The following ATP6V1B1 variants were observed in gnomAD, a reference collection of about 807,000 sequenced individuals.
ATP6V1B1 encodes V-type proton ATPase subunit B, kidney isoform.
Under a neutral mutation model 62.1 loss-of-function variants are expected in ATP6V1B1, and 41 were observed. That is an observed-to-expected ratio of 0.66 (90% CI 0.51 to 0.86). ATP6V1B1 has a LOEUF of 0.86. Among genes scored for constraint, ATP6V1B1 ranks in the 40% least tolerant of loss-of-function variants. The pLI, the probability that ATP6V1B1 is intolerant of heterozygous loss-of-function variation, is 0.00. For synonymous variants in ATP6V1B1, 253 were observed against 273.4 expected (o/e 0.93, Z 0.74); for missense variants, 651 against 697.5 (o/e 0.93, Z 0.75).
chr2:70,946,268 G>A (rs1290042105), intron 2 of ATP6V1B1, among the ~76,000 whole-genome samples: 2 of 152,164 alleles, frequency 1.3e-5, no homozygotes, highest in East Asian at 3.9e-4. Context: ...GAGTTCATAC[G>A]GACATTACCA....
At chr2:70,936,448 G>A (rs1553415410) in intron 1 of ATP6V1B1, among the ~76,000 whole-genome samples, 1 of 152,100 alleles carries the variant, frequency 6.6e-6, no homozygotes, top group East Asian at 1.9e-4. Flanking sequence ...CAAGCACTCA[G>A]AGTCAGGCGG....
At chr2:70,943,782 G>T in intron 2 of ATP6V1B1, 69 bp downstream of exon 2, 2 of 1,587,802 alleles carry the variant, frequency 1.3e-6, no homozygotes, top group Non-Finnish European at 1.7e-6. Context: ...TGCCCTGCAG[G>T]ATTTCTTCTA....
At chr2:70,964,045 T>A in intron 11 of ATP6V1B1, 1 of 411,720 alleles carries the variant, frequency 2.4e-6, no homozygotes, top group Non-Finnish European at 4.5e-6. Flanking sequence ...AACGGCTAAC[T>A]AACACACATC....
chr2:70,943,317 T>C (rs1339763030), intron 1 of ATP6V1B1: 5 of 499,990 alleles, frequency 1.0e-5, no homozygotes, highest in African/African-American at 2.0e-5. Flanking sequence ...ATGCTTGGAG[T>C]GAGAGAGGAG....
At position 70,963,411 on chromosome 2, in the gene ATP6V1B1, C is replaced by A; in HGVS notation, c.1060+99C>A. On this transcript the variant is annotated intron_variant, in intron 10 of 13. Transcript: ENST00000234396. This position sits in a 1 kb window ranked among gnomAD's most constrained non-coding sequence, Gnocchi z 4.3. ...CACGTTGCTTTGCACAGATGTGCAG[C>A]AGCGCTTTTCCTCCATCGAGATAGA... 6.3e-7 allele frequency: 1 copy of A among 1,579,878 alleles called. No individual in the cohort carries two copies. Among genetic ancestry groups the A allele is most frequent in the Non-Finnish European group, 8.7e-7 (1 of 1,151,038 alleles).
At position 70,944,060 on chromosome 2, in the gene ATP6V1B1, G is replaced by A. The variant is rs904801512; in HGVS notation, c.174+347G>A. 16 of 1,307,800 alleles carry A rather than the reference G, an allele frequency of 1.2e-5. No individual in the cohort carries two copies. In the South Asian group the frequency reaches 1.6e-4, roughly 13 times the overall value. The allele number at this position is 1,307,800 out of a possible 1,614,324, so 81.0% of individuals were successfully genotyped here. On this transcript the variant is annotated intron_variant, in intron 2 of 13. Transcript: ENST00000234396. ...TCAGAGGAAGGCTGGACCACAGCAC[G>A]GCTGTACCTAACCTCCTCGAGGGCT...
intron 1 of ATP6V1B1, among the ~76,000 whole-genome samples, chr2:70,937,189 C>G (rs1679874711): frequency 1.3e-5 from 2 of 151,926 alleles, no homozygotes; most frequent in Middle Eastern, 3.4e-3. Context: ...AGGCTCCTAA[C>G]AGGGAGTGTG....
chr2:70,964,706 G>A, intron 12 of ATP6V1B1, 30 bp from the exon 13 acceptor site: 1 of 1,613,006 alleles, frequency 6.2e-7, no homozygotes, highest in Non-Finnish European at 8.5e-7. Flanking sequence ...TAAGCCCGCA[G>A]CGGCCACCGA....
In ATP6V1B1 at chr2:70,957,836, G is replaced by GT. The variant is rs146878844; in HGVS notation, c.175-209dup. ...GCTACTAAGCTTCAGAGTTTCAGCT[G>GT]TAACCTGGTCTTGCAACTCTGAAGT... On this transcript the variant is annotated intron_variant, in intron 2 of 13. Coordinates refer to ENST00000234396, the MANE Select transcript of ATP6V1B1 (RefSeq NM_001692.4). 9.6e-3 allele frequency: 5,756 copies of GT among 597,106 alleles called. 271 individuals carry two copies. Among genetic ancestry groups the GT allele is most frequent in the African/African-American group, 0.094 (5,129 of 54,538 alleles). 37.0% of individuals were successfully genotyped at this position (597,106 alleles called of 1,614,324 possible).
intron 2 of ATP6V1B1, among the ~76,000 whole-genome samples, chr2:70,951,377 C>A (rs188298981): frequency 6.6e-6 from 1 of 152,292 alleles, no homozygotes; most frequent in Non-Finnish European, 1.5e-5. Flanking sequence ...CTTTAATCTA[C>A]CATCCACATT....
chr2:70,964,114 A>ATTGTTTTTTTTTTTTTT (rs1680655720), intron 11 of ATP6V1B1: 1 of 121,306 alleles, frequency 8.2e-6, no homozygotes, highest in African/African-American at 5.9e-5. Context: ...CTTGGCAGGT[A>ATTGTTTTTTTTTTTTTT]TTTTTTTTTT....
At chr2:70,958,191 C>A (rs781903079) in intron 3 of ATP6V1B1, 47 bp downstream of exon 3, 6 of 1,600,484 alleles carry the variant, frequency 3.7e-6, no homozygotes, top group Admixed American at 1.7e-5. Flanking sequence ...AATGAATTAA[C>A]CCATAAAGTT....
chr2:70,949,898 G>T (rs1172088572), intron 2 of ATP6V1B1, among the ~76,000 whole-genome samples: 1 of 152,068 alleles, frequency 6.6e-6, no homozygotes, highest in Non-Finnish European at 1.5e-5. Flanking sequence ...TGAATTTCTT[G>T]TCTTGCTTAA....
chr2:70,942,074 G>A (rs1264562667), intron 1 of ATP6V1B1: 1 of 1,135,624 alleles, frequency 8.8e-7, no homozygotes. Flanking sequence ...AGACAAGAGA[G>A]GGAGAGAGAG....
intron 2 of ATP6V1B1, 106 bp from the exon 3 acceptor site, chr2:70,957,940 C>T: frequency 9.7e-7 from 1 of 1,033,018 alleles, no homozygotes; most frequent in Non-Finnish European, 1.5e-6. Flanking sequence ...TGTCTGGACA[C>T]TAGAGGGGAG....
Position 70,959,995 on chromosome 2 carries a change from A to T in ATP6V1B1, c.502A>T (p.Ile168Phe). The T allele has an allele frequency of 6.2e-7, 1 of 1,614,166 alleles. No individual in the cohort carries two copies. The highest frequency in any genetic ancestry group is 8.5e-7 in the Non-Finnish European group (1 of 1,180,030). ...CCCCGAGGAGATGATTCAGACGGGC[A>T]TTTCTCCTATTGACGTCATGAACAG... is the stretch of plus-strand genomic sequence containing the variant. ...IYPEEMIQTG[I>F]SPIDVMNSIA... Residue 168 changes from isoleucine (I) to phenylalanine (F), a missense_variant, in exon 6 of 14, where the codon ATT becomes TTT. Ile to Phe is a conservative substitution (Grantham distance 21, BLOSUM62 0). Transcript: ENST00000234396. The surrounding 1 kb of genome is among the most constrained non-coding windows in gnomAD (Gnocchi z 4.2).
intron 1 of ATP6V1B1, among the ~76,000 whole-genome samples, chr2:70,936,445 TCA>T (rs1351072538): frequency 6.6e-6 from 1 of 152,048 alleles, no homozygotes; most frequent in African/African-American, 2.4e-5. Context: ...ACCCAAGCAC[TCA>T]GAGTCAGGCG....
chr2:70,948,664 G>A (rs782441977), intron 2 of ATP6V1B1: 8 of 152,176 alleles, frequency 5.3e-5, no homozygotes, highest in Non-Finnish European at 1.2e-4. Flanking sequence ...TGGGTGTTCG[G>A]AGCTCCTCCC....
At chr2:70,944,936 G>A (rs1172733046) in intron 2 of ATP6V1B1, among the ~76,000 whole-genome samples, 5 of 152,060 alleles carry the variant, frequency 3.3e-5, no homozygotes, top group African/African-American at 1.2e-4. Context: ...CAAAGTGCTG[G>A]GATTACAGGC....
Sources: gnomAD v4.1 joint callset for allele counts (sites outside exome capture counted in the v4.1 genomes callset) on GRCh38, gnomAD v4.1.1 for gene constraint, Gnocchi (gnomAD v3.1) non-coding constraint, MANE v1.5 for transcripts, NCBI Gene and HGNC (gene_info 2026-07-23, HGNC 2026-07-21) for gene names.